Variants in EMILIN2 observed in about 807,000 individuals in gnomAD.
EMILIN2 encodes EMILIN-2.
A neutral mutation model predicts 87.1 loss-of-function variants in EMILIN2; 71 were observed. The observed-to-expected ratio is 0.82, with a 90% CI of 0.67 to 0.99. The LOEUF is 0.99. Among genes scored for constraint, EMILIN2 ranks in the 50% least tolerant of loss-of-function variants. The pLI is 0.00. For missense variants in EMILIN2, 1,407 were observed against 1,371.8 expected (o/e 1.03, Z -0.40); for synonymous variants, 581 against 563.4 (o/e 1.03, Z -0.44).
In EMILIN2 at chr18:2,882,493, C is replaced by G. The variant is rs193254178; in HGVS notation, c.258-2471C>G. Among the ~76,000 whole-genome samples, 1,096 of 152,350 alleles carry G rather than the reference C, an allele frequency of 7.2e-3. 10 individuals are homozygous for G. Among genetic ancestry groups the G allele is most frequent in the South Asian group, 0.017 (84 of 4,826 alleles). On this transcript the variant is annotated intron_variant, in intron 2 of 7. Transcript: ENST00000254528. ...ACAGGCCGGGTGTGGTGGCTCATGC[C>G]TGTAATCCCAGCACTTTGAGGTTGG...
At chr18:2,864,970 T>C (rs534512110) in intron 2 of EMILIN2, among the ~76,000 whole-genome samples, 2 of 152,370 alleles carry the variant, frequency 1.3e-5, no homozygotes, top group South Asian at 4.1e-4. Context: ...ATTCATTTGA[T>C]CTTCCATCAC....
intron 4 of EMILIN2, among the ~76,000 whole-genome samples, chr18:2,899,125 C>T (rs1427252904): frequency 3.9e-5 from 6 of 152,084 alleles, no homozygotes; most frequent in East Asian, 3.9e-4. Context: ...CTCAGGAGAT[C>T]GCTGCTCAGC....
intron 3 of EMILIN2, among the ~76,000 whole-genome samples, chr18:2,887,436 G>A (rs984519243): frequency 6.6e-6 from 1 of 152,172 alleles, no homozygotes; most frequent in Admixed American, 6.5e-5. Context: ...GGTCATGGAG[G>A]TTGATCCTTC....
intron 3 of EMILIN2, among the ~76,000 whole-genome samples, chr18:2,889,633 T>C (rs181633752): frequency 6.6e-6 from 1 of 152,020 alleles, no homozygotes; most frequent in African/African-American, 2.4e-5. Flanking sequence ...TCCTTGGTGT[T>C]TTCTCAAAAT....
intron 7 of EMILIN2, 93 bp downstream of exon 7, chr18:2,909,912 C>T (rs1043164515): frequency 5.2e-6 from 8 of 1,551,484 alleles, no homozygotes; most frequent in African/African-American, 2.8e-5. Flanking sequence ...CCCAGCGTCC[C>T]GTGGGCTCAG....
Position 2,867,346 on chromosome 18 carries a change from CTTTA to C in EMILIN2, c.258-17595_258-17592del, listed in dbSNP as rs202209941. Among the ~76,000 whole-genome samples the C allele has an allele frequency of 3.5e-3, 536 of 151,138 alleles. 2 individuals carry two copies. Among genetic ancestry groups the C allele is most frequent in the African/African-American group, 0.011 (444 of 41,214 alleles). ...GTAGTTATTTATTTTGTTTGTAGGTCTTTATTTATTTATTTATTTATTTATTGAT... is the reference window on the plus strand; with the variant it reads ...GTAGTTATTTATTTTGTTTGTAGGTCTTTATTTATTTATTTATTTATTGAT... On this transcript the variant is annotated intron_variant, in intron 2 of 7. Transcript: ENST00000254528.
At chr18:2,907,799 G>A (rs1194910036) in intron 5 of EMILIN2, among the ~76,000 whole-genome samples, 1 of 152,214 alleles carries the variant, frequency 6.6e-6, no homozygotes, top group African/African-American at 2.4e-5. Flanking sequence ...TGAGGAAACT[G>A]AGATTTGTGG....
intron 7 of EMILIN2, among the ~76,000 whole-genome samples, chr18:2,911,061 AAAG>A (rs1395109711): frequency 6.6e-6 from 1 of 152,142 alleles, no homozygotes; most frequent in Non-Finnish European, 1.5e-5. Flanking sequence ...TCCTCAGAAG[AAAG>A]AATTTGACCA....
At chr18:2,869,953 A>G (rs1468117515) in intron 2 of EMILIN2, among the ~76,000 whole-genome samples, 1 of 152,186 alleles carries the variant, frequency 6.6e-6, no homozygotes, top group Admixed American at 6.5e-5. Flanking sequence ...AACACTAGAT[A>G]ATAATGGACT....
At chr18:2,893,666 G>A (rs770696652) in intron 4 of EMILIN2, among the ~76,000 whole-genome samples, 16 of 152,134 alleles carry the variant, frequency 1.1e-4, no homozygotes, top group South Asian at 6.2e-4. Flanking sequence ...CTCTCTAGTC[G>A]GAGTCTGGGC....
intron 7 of EMILIN2, 46 bp downstream of exon 7, chr18:2,909,865 A>G: frequency 6.3e-7 from 1 of 1,591,254 alleles, no homozygotes; most frequent in East Asian, 2.3e-5. Flanking sequence ...TCCTACCCCA[A>G]CGCAGGTGGG....
rs1017500366 is a variant in EMILIN2, at chr18:2,915,995, T to C, written c.*2591T>C. ...AATAAATGCAAACCTTAAACTGCAT[T>C]TGAAATTACTTCCTGGTTGGCATGT... is the stretch of plus-strand genomic sequence containing the variant. On this transcript the variant is annotated 3_prime_UTR_variant, in exon 8 of 8. Transcript: ENST00000254528. 11 of 152,228 alleles carry C rather than the reference T, an allele frequency of 7.2e-5. No individual in the cohort carries two copies. The highest frequency in any genetic ancestry group is 7.2e-4 in the Admixed American group (11 of 15,286). 9.4% of individuals were successfully genotyped at this position (152,228 alleles called of 1,614,324 possible). A position where few individuals can be genotyped will look rare whatever the true frequency, so the allele number is the denominator to read the frequency against.
intron 3 of EMILIN2, among the ~76,000 whole-genome samples, chr18:2,885,553 C>T (rs751791477): frequency 6.6e-6 from 1 of 152,112 alleles, no homozygotes; most frequent in Non-Finnish European, 1.5e-5. Flanking sequence ...GAGTCTCGCT[C>T]TGTCGCCCAG....
rs534726628 is a variant in EMILIN2 at position 2,884,964 on chromosome 18, G to C, written c.258G>C (p.Val86=). 1 of 1,597,522 alleles carries C rather than the reference G, an allele frequency of 6.3e-7. No homozygotes were observed. The highest frequency in any genetic ancestry group is 1.1e-5 in the South Asian group (1 of 88,334). ...WNQMPCPSAL[V]YRVNFRPRYV... is the part of the protein sequence containing the mutation. Reference sequence around the variant, plus strand: ...GAGATGCCATCCCTTCTGTCCACAGGTATCGAGTGAACTTCAGACCTAGAT... The same window carrying C: ...GAGATGCCATCCCTTCTGTCCACAGCTATCGAGTGAACTTCAGACCTAGAT... The change falls in exon 3 of 8, where the codon GTG becomes GTC. Residue 86 remains valine, a splice_region_variant and synonymous_variant. Coordinates refer to ENST00000254528, the MANE Select transcript of EMILIN2 (RefSeq NM_032048.3).
chr18:2,907,149 G>T, intron 5 of EMILIN2, 64 bp downstream of exon 5: 1 of 1,225,598 alleles, frequency 8.2e-7, no homozygotes, highest in South Asian at 4.0e-5. Context: ...CTGAGCCTCG[G>T]GGTCTGCTGA....
chr18:2,864,945 T>A (rs938751405), intron 2 of EMILIN2, among the ~76,000 whole-genome samples: 1 of 152,008 alleles, frequency 6.6e-6, no homozygotes, highest in African/African-American at 2.4e-5. Flanking sequence ...TAAACTTCTC[T>A]TCTCACTTCA....
Position 2,847,741 on chromosome 18 carries a change from CT to C in EMILIN2, c.135-67del. On this transcript the variant is annotated intron_variant, in intron 1 of 7. Transcript: ENST00000254528. The surrounding 1 kb of genome is among the most constrained non-coding windows in gnomAD (Gnocchi z 4.5). ...TCGCTCGGTCTGGTGCCGCAGTCCC[CT>C]CTCCCCTGGCCTCATTGTTCTCCGG... 6.4e-7 allele frequency: 1 copy of C among 1,567,358 alleles called. No homozygotes were observed. The highest frequency in any genetic ancestry group is 8.6e-7 in the Non-Finnish European group (1 of 1,160,844).
In EMILIN2 at chr18:2,907,094, C is replaced by T. The variant is rs2076918018; in HGVS notation, c.2662+9C>T. The stretch of plus-strand genomic sequence containing the variant: ...CTTCGCGGGCGCACCAGGTGAGGCC[C>T]GGGGCTGCGCGGGGAGGAGCGCGGG... On this transcript the variant is annotated intron_variant, in intron 5 of 7. Transcript: ENST00000254528. The T allele has an allele frequency of 3.2e-6, 4 of 1,235,564 alleles. No individual in the cohort carries two copies. Among genetic ancestry groups the T allele is most frequent in the East Asian group, 3.2e-5 (1 of 31,546 alleles). The allele number at this position is 1,235,564 out of a possible 1,614,324, so 76.5% of individuals were successfully genotyped here.
intron 2 of EMILIN2, among the ~76,000 whole-genome samples, chr18:2,878,734 T>C (rs1318825250): frequency 6.6e-6 from 1 of 152,134 alleles, no homozygotes; most frequent in East Asian, 1.9e-4. Flanking sequence ...CTACCATCCC[T>C]GGGGAAACAC....
Sources: gnomAD v4.1 joint callset for allele counts (sites outside exome capture counted in the v4.1 genomes callset) on GRCh38, gnomAD v4.1.1 for gene constraint, Gnocchi (gnomAD v3.1) non-coding constraint, MANE v1.5 for transcripts, NCBI Gene and HGNC (gene_info 2026-07-23, HGNC 2026-07-21) for gene names.